The following FGGY variants were observed in gnomAD, a reference collection of about 807,000 sequenced individuals.
FGGY encodes the protein FGGY carbohydrate kinase domain-containing protein.
FGGY carries 72 observed loss-of-function variants against 71.3 expected under a neutral mutation model. The observed-to-expected ratio is 1.01, with a 90% CI of 0.84 to 1.23. The LOEUF is 1.23. FGGY is among the 50% of genes most tolerant of loss of function. FGGY has a pLI of 0.00. For synonymous variants in FGGY, 251 were observed against 250.3 expected (o/e 1.00, Z -0.02); for missense variants, 668 against 682.3 (o/e 0.98, Z 0.23).
intron 3 of FGGY, among the ~76,000 whole-genome samples, chr1:59,345,552 A>G (rs1361287042): frequency 6.6e-6 from 1 of 152,214 alleles, no homozygotes; most frequent in Non-Finnish European, 1.5e-5. Flanking sequence ...TCTGAGAAGT[A>G]CTTGCCATAT....
Position 59,762,621 on chromosome 1 carries a change from G to A in FGGY, c.*37G>A. 6.8e-7 allele frequency: 1 copy of A among 1,476,838 alleles called. No individual in the cohort carries two copies. The highest frequency in any genetic ancestry group is 9.2e-7 in the Non-Finnish European group (1 of 1,085,564). 91.5% of individuals were successfully genotyped at this position (1,476,838 alleles called of 1,614,324 possible). On this transcript the variant is annotated 3_prime_UTR_variant, in exon 16 of 16. Transcript: ENST00000303721. ...AGGTGCTGATGCCAGAAGCTTCTGT[G>A]CCATTGCATTAAAGACTTGTCATTT...
intron 13 of FGGY, 70 bp from the exon 14 acceptor site, chr1:59,673,969 G>A (rs564347236): frequency 1.4e-5 from 19 of 1,395,124 alleles, no homozygotes; most frequent in Admixed American, 1.9e-5. Flanking sequence ...TTGCCACTGC[G>A]GCTGCTTGTT....
intron 8 of FGGY, among the ~76,000 whole-genome samples, chr1:59,594,616 G>A (rs2096497022): frequency 6.6e-6 from 1 of 152,148 alleles, no homozygotes; most frequent in South Asian, 2.1e-4. Context: ...TCCCACCAAG[G>A]CTGAGTGCTC....
At chr1:59,313,620 C>T (rs2044796245) in intron 1 of FGGY, among the ~76,000 whole-genome samples, 1 of 152,076 alleles carries the variant, frequency 6.6e-6, no homozygotes, top group Non-Finnish European at 1.5e-5. Context: ...GAATACTACT[C>T]AGCCATAAAA....
rs182595490 is a variant in FGGY, at chr1:59,643,726, A to T, written c.1221+5351A>T. On this transcript the variant is annotated intron_variant, in intron 11 of 15. Transcript: ENST00000303721. ...TCATAAGACATAACATATGTTTTAA[A>T]TTTACTCTATAGGAAAAACATTTTG... is the stretch of plus-strand genomic sequence containing the variant. Among the ~76,000 whole-genome samples, 436 of 152,348 alleles carry T rather than the reference A, an allele frequency of 2.9e-3. 2 individuals carry two copies. The highest frequency in any genetic ancestry group is 4.5e-3 in the Non-Finnish European group (304 of 68,034).
intron 2 of FGGY, among the ~76,000 whole-genome samples, chr1:59,339,195 CTCAT>C (rs1209106050): frequency 6.6e-5 from 10 of 152,038 alleles, no homozygotes; most frequent in Non-Finnish European, 1.3e-4. Flanking sequence ...CTCAAGATAT[CTCAT>C]TATGTTATAT....
chr1:59,570,235 A>G (rs1338291558), intron 8 of FGGY, among the ~76,000 whole-genome samples: 1 of 152,206 alleles, frequency 6.6e-6, no homozygotes, highest in African/African-American at 2.4e-5. Context: ...TTTCAAAAAA[A>G]CTGCTTTAAG....
chr1:59,751,838 G>C lies in FGGY; in HGVS notation c.1513-6093G>C, dbSNP rs377407630. On this transcript the variant is annotated intron_variant, in intron 14 of 15. Transcript: ENST00000303721. ...AACTGGTGATAATTATCTCCATCAC[G>C]TGCAAATCCATTGACTGAATCTTTT... 1.8e-4 allele frequency among the ~76,000 whole-genome samples: 27 copies of C among 152,280 alleles called. No individual in the cohort carries two copies. The East Asian group carries it at 2.9e-3, about 16-fold the overall frequency.
chr1:59,303,141 A>G (rs1446119036), intron 1 of FGGY, among the ~76,000 whole-genome samples: 1 of 152,220 alleles, frequency 6.6e-6, no homozygotes, highest in East Asian at 1.9e-4. Context: ...GAGAACACTT[A>G]AGATTTACTC....
intron 5 of FGGY, among the ~76,000 whole-genome samples, chr1:59,391,242 G>T (rs2060651959): frequency 6.6e-6 from 1 of 152,104 alleles, no homozygotes; most frequent in South Asian, 2.1e-4. Flanking sequence ...TGAAGAAATG[G>T]GTAGGTGCCC....
intron 5 of FGGY, among the ~76,000 whole-genome samples, chr1:59,447,826 A>G (rs1424670363): frequency 6.6e-6 from 1 of 152,184 alleles, no homozygotes; most frequent in African/African-American, 2.4e-5. Context: ...TAAATTACCC[A>G]GTCTCAGGTA....
chr1:59,709,484 A>C (rs1203836136), intron 14 of FGGY, among the ~76,000 whole-genome samples: 1 of 151,756 alleles, frequency 6.6e-6, no homozygotes, highest in East Asian at 1.9e-4. Flanking sequence ...ACACACACAC[A>C]CACACACACA....
chr1:59,479,576 G>C (rs192200783), intron 6 of FGGY, among the ~76,000 whole-genome samples: 1 of 152,266 alleles, frequency 6.6e-6, no homozygotes, highest in African/African-American at 2.4e-5. Context: ...GCTCGGAAGT[G>C]GGAAGTTAAG....
intron 14 of FGGY, among the ~76,000 whole-genome samples, chr1:59,756,741 G>A (rs1438907638): frequency 2.0e-5 from 3 of 152,120 alleles, no homozygotes; most frequent in Non-Finnish European, 2.9e-5. Flanking sequence ...GGCAGACAAC[G>A]AACACATAAA....
intron 8 of FGGY, among the ~76,000 whole-genome samples, chr1:59,588,618 G>C (rs537603184): frequency 3.3e-5 from 5 of 152,286 alleles, no homozygotes; most frequent in Non-Finnish European, 4.4e-5. Flanking sequence ...AGCCAGAAGA[G>C]AGTGGGGGCC....
At chr1:59,517,501 G>C (rs1262632051) in intron 7 of FGGY, among the ~76,000 whole-genome samples, 1 of 151,910 alleles carries the variant, frequency 6.6e-6, no homozygotes, top group Non-Finnish European at 1.5e-5. Flanking sequence ...TCCTGACCTC[G>C]TGATCCGCCC....
intron 4 of FGGY, 119 bp from the exon 5 acceptor site, chr1:59,378,630 C>T: frequency 2.6e-6 from 2 of 773,624 alleles, no homozygotes; most frequent in South Asian, 3.5e-5. Context: ...AGCTCCTGAA[C>T]AGATGTTTCA....
intron 3 of FGGY, among the ~76,000 whole-genome samples, chr1:59,343,325 A>G (rs2051091862): frequency 6.6e-6 from 1 of 152,164 alleles, no homozygotes; most frequent in South Asian, 2.1e-4. Flanking sequence ...CTTAAACGAC[A>G]ACATTTTTGT....
chr1:59,655,156 G>A (rs1056269229), intron 11 of FGGY, among the ~76,000 whole-genome samples: 2 of 152,118 alleles, frequency 1.3e-5, no homozygotes, highest in African/African-American at 4.8e-5. Context: ...AAGGAGATAC[G>A]TTACTCCCAT....
Sources: allele counts gnomAD v4.1 joint callset (sites outside exome capture counted in the v4.1 genomes callset), GRCh38; gene constraint gnomAD v4.1.1; transcripts MANE v1.5; gene names NCBI Gene and HGNC (gene_info 2026-07-23, HGNC 2026-07-21).